The following SPTAN1 variants were observed in gnomAD, a reference collection of about 807,000 sequenced individuals.
SPTAN1 encodes spectrin alpha, non-erythrocytic 1.
In SPTAN1, 61 loss-of-function variants were observed where a neutral mutation model predicts 331.3. The observed-to-expected ratio is 0.18, with a 90% confidence interval of 0.15 to 0.23. The LOEUF (loss-of-function observed/expected upper bound fraction) is 0.23, where lower values mean the gene tolerates loss of function less well. SPTAN1 is among the 10% of genes least tolerant of loss of function. SPTAN1 has a pLI of 1.00. For synonymous variants in SPTAN1, 1,153 were observed against 1,173.9 expected, an observed-to-expected ratio of 0.98 and a Z score of 0.36; for missense variants, 2,043 against 3,147.9, an observed-to-expected ratio of 0.65 and a Z score of 8.40.
chr9:128,587,465 G>C (rs1852803919), intron 19 of SPTAN1, 141 bp from the exon 20 acceptor site: 1 of 719,900 alleles, frequency 1.4e-6, no homozygotes, highest in East Asian at 2.7e-5. Flanking sequence ...AATGATATTA[G>C]CACTGTAAGA....
intron 24 of SPTAN1, chr9:128,595,839 T>C (rs998960345): frequency 1.3e-5 from 2 of 152,114 alleles, no homozygotes; most frequent in African/African-American, 2.4e-5. Flanking sequence ...TGTTTAGGTT[T>C]TCTTTCTTTT....
Position 128,628,090 on chromosome 9 carries a change from TGAG to T in SPTAN1, c.6707+152_6707+154del, listed in dbSNP as rs555463680. The T allele has an allele frequency of 2.0e-5, 20 of 984,564 alleles. No homozygotes were observed. The Middle Eastern group carries it at 1.2e-3, about 61-fold the overall frequency. 61.0% of individuals were successfully genotyped at this position (984,564 alleles called of 1,614,324 possible). On this transcript the variant is annotated intron_variant, in intron 51 of 56. Transcript: ENST00000372739. ...CCCTCCCACCCTTCTCGTCACCTGA[TGAG>T]GAGTGTGTGCCTTGCCCCATAGCCC...
chr9:128,605,514 G>C, intron 31 of SPTAN1, 37 bp downstream of exon 31: 10 of 1,613,288 alleles, frequency 6.2e-6, no homozygotes, highest in Non-Finnish European at 8.5e-6. Flanking sequence ...CTGGAACATA[G>C]AGCCTTCTTT....
At chr9:128,611,267 C>A (rs1856529800) in intron 37 of SPTAN1, among the ~76,000 whole-genome samples, 1 of 152,152 alleles carries the variant, frequency 6.6e-6, no homozygotes, top group Admixed American at 6.6e-5. Flanking sequence ...CTCGGGAGTT[C>A]AAGACCAGCC....
rs541041474 is a variant in SPTAN1, at chr9:128,616,980, A to G, written c.5358-660A>G. ...TAGCTGGGTGTGGTGGCTCACGCCT[A>G]TAATCCCAACACTTTGGGAGACCGA... On this transcript the variant is annotated intron_variant, in intron 41 of 56. Coordinates refer to ENST00000372739, the MANE Select transcript of SPTAN1 (RefSeq NM_001130438.3). 1.6e-4 allele frequency among the ~76,000 whole-genome samples: 25 copies of G among 152,050 alleles called. No individual in the cohort carries two copies. In the South Asian group the frequency reaches 1.9e-3, roughly 11 times the overall value.
Position 128,574,810 on chromosome 9 carries a change from G to A in SPTAN1, c.499G>A (p.Asp167Asn). 1 of 1,614,030 alleles carries A rather than the reference G, an allele frequency of 6.2e-7. No individual in the cohort carries two copies. Among genetic ancestry groups the A allele is most frequent in the Non-Finnish European group, 8.5e-7 (1 of 1,179,908 alleles). ...ECEDVMDWINDKEAIVTSEEL... is the reference protein window; with the variant it reads ...ECEDVMDWINNKEAIVTSEEL... ...TGAGGACGTGATGGACTGGATCAAT[G>A]ACAAGGCACGTTTTGGGAAGAAGGG... The change falls in exon 4 of 57, where the codon GAC becomes AAC. Residue 167 changes from aspartate (D) to asparagine (N), a missense_variant. By Grantham distance (23) the Asp-to-Asn change is conservative. Transcript: ENST00000372739.
intron 56 of SPTAN1, 99 bp from the exon 57 acceptor site, chr9:128,633,110 A>G (rs1053603661): frequency 1.8e-5 from 29 of 1,601,000 alleles, no homozygotes; most frequent in Non-Finnish European, 2.5e-5. Flanking sequence ...ATCTGCTTGT[A>G]GAAGCAGCTC....
At chr9:128,591,730 G>A (rs1853560553) in intron 22 of SPTAN1, 105 bp downstream of exon 22, 3 of 1,432,974 alleles carry the variant, frequency 2.1e-6, no homozygotes, top group Admixed American at 1.9e-5. Flanking sequence ...GAGCCCACCT[G>A]CACGCCTCCT....
chr9:128,618,623 A>G (rs2131811320), intron 43 of SPTAN1, among the ~76,000 whole-genome samples: 1 of 152,138 alleles, frequency 6.6e-6, no homozygotes, highest in East Asian at 1.9e-4. Flanking sequence ...AGCTGGGACT[A>G]CAGGCACCCG....
chr9:128,596,202 A>G (rs1026490234), intron 24 of SPTAN1: 1 of 151,252 alleles, frequency 6.6e-6, no homozygotes, highest in African/African-American at 2.4e-5. Flanking sequence ...ATTCCTTTTT[A>G]TTGCTGAATA....
rs1408245190 is a variant in SPTAN1, at chr9:128,574,899, G to A, written c.504+84G>A. On this transcript the variant is annotated intron_variant, in intron 4 of 56. Transcript: ENST00000372739. ...TCTGTGATCTGTAGTGAGACCCAGT[G>A]TTAGCACAGATACGGCCATTTTAAG... The A allele has an allele frequency of 2.5e-6, 4 of 1,592,130 alleles. No homozygotes were observed. The African/African-American group carries it at 5.4e-5, about 21-fold the overall frequency.
At position 128,625,982 on chromosome 9, in the gene SPTAN1, A is replaced by T. The variant is rs1274186786; in HGVS notation, c.6279+4A>T. ...GGCTCAGAGTCACTTCCGCAAGGTG[A>T]GGATGGGGCCACGTGAAGCTTAGCT... is the stretch of plus-strand genomic sequence containing the variant. On this transcript the variant is annotated splice_donor_region_variant and intron_variant, in intron 48 of 56. Transcript: ENST00000372739. This position sits in a 1 kb window ranked among gnomAD's most constrained non-coding sequence, Gnocchi z 4.1. 6.2e-7 allele frequency: 1 copy of T among 1,613,496 alleles called. No homozygotes were observed. Among genetic ancestry groups the T allele is most frequent in the Non-Finnish European group, 8.5e-7 (1 of 1,179,728 alleles).
At chr9:128,562,990 G>GTATATATATATATATA (rs1379685400) in intron 1 of SPTAN1, among the ~76,000 whole-genome samples, 1 of 1,788 alleles carries the variant, frequency 5.6e-4, no homozygotes, top group African/African-American at 7.7e-4. Flanking sequence ...ATACATGTAT[G>GTATATATATATATATA]TGTATATATA....
Position 128,632,916 on chromosome 9 carries a change from A to T in SPTAN1, c.7269A>T (p.Ser2423=), listed in dbSNP as rs1445825198. The change falls in exon 56 of 57, where the codon TCA becomes TCT. Residue 2423 remains serine, a synonymous_variant. Transcript: ENST00000372739. ...EIESAFRALS[S]EGKPYVTKEE... ...AGAGCGCCTTCCGGGCCCTCAGCTC[A>T]GAGGGAAAGCCTTACGTGACCAAGG... The T allele has an allele frequency of 6.2e-7, 1 of 1,613,600 alleles. No homozygotes were observed. Among genetic ancestry groups the T allele is most frequent in the South Asian group, 1.1e-5 (1 of 91,088 alleles).
At chr9:128,601,996 C>T (rs890549123) in intron 27 of SPTAN1, among the ~76,000 whole-genome samples, 2 of 152,178 alleles carry the variant, frequency 1.3e-5, no homozygotes, top group Non-Finnish European at 2.9e-5. Flanking sequence ...AACAGCCTTA[C>T]CCCCTCAACA....
At chr9:128,594,496 CTT>C (rs1853962497) in intron 24 of SPTAN1, 123 bp downstream of exon 24, 1 of 889,922 alleles carries the variant, frequency 1.1e-6, no homozygotes, top group Non-Finnish European at 1.7e-6. Context: ...AGTGGTATGA[CTT>C]CGGCTCACTG....
chr9:128,623,622 A>ATTTTTTTTTTTT (rs777632874), intron 45 of SPTAN1, among the ~76,000 whole-genome samples: 118 of 117,106 alleles, frequency 1.0e-3, no homozygotes, highest in African/African-American at 2.8e-3. Context: ...AACCTGGCTA[A>ATTTTTTTTTTTT]TTTTTTTTTT....
intron 40 of SPTAN1, 132 bp downstream of exon 40, chr9:128,613,617 C>T: frequency 1.3e-6 from 1 of 746,850 alleles, no homozygotes; most frequent in Non-Finnish European, 2.3e-6. Flanking sequence ...AAGGTTGTGG[C>T]CTCAGGATCA....
chr9:128,596,513 T>G (rs1854308842), intron 24 of SPTAN1: 1 of 149,792 alleles, frequency 6.7e-6, no homozygotes, highest in South Asian at 2.1e-4. Flanking sequence ...CCTGACCTCG[T>G]GATCCACCCG....
Sources: allele counts gnomAD v4.1 joint callset (sites outside exome capture counted in the v4.1 genomes callset), GRCh38; gene constraint gnomAD v4.1.1; non-coding constraint Gnocchi (gnomAD v3.1); transcripts MANE v1.5; gene names NCBI Gene and HGNC (gene_info 2026-07-23, HGNC 2026-07-21).